Variants in NEAT1 observed in about 807,000 individuals in gnomAD.
The protein encoded by NEAT1 is MENepsilon/beta.
At chr11:65,428,686 G>T (rs907799314) in exon 1 of NEAT1, 9 of 152,150 alleles carry the variant, frequency 5.9e-5, no homozygotes, top group Non-Finnish European at 8.8e-5. Flanking sequence ...TTCCAAGGCA[G>T]GTGGCTGTGA....
chr11:65,443,756 G>C (rs151105075), exon 1 of NEAT1: 4 of 152,216 alleles, frequency 2.6e-5, no homozygotes, highest in African/African-American at 9.7e-5. Flanking sequence ...ACTGCCCTGC[G>C]CCCCAGATGG....
chr11:65,433,057 A>G (rs1444395868), exon 1 of NEAT1: 5 of 150,590 alleles, frequency 3.3e-5, no homozygotes. Flanking sequence ...TTTATTGCTA[A>G]GTCATATTCC....
chr11:65,425,622 C>A (rs893669969), exon 1 of NEAT1: 4 of 152,116 alleles, frequency 2.6e-5, no homozygotes, highest in Non-Finnish European at 5.9e-5. Context: ...CCACTTAAGA[C>A]GAGATTAGAT....
chr11:65,425,084 G>T (rs1856547455), exon 1 of NEAT1: 1 of 152,120 alleles, frequency 6.6e-6, no homozygotes, highest in African/African-American at 2.4e-5. Context: ...TAGTGCGTGG[G>T]TGAGCCAAGA....
chr11:65,434,988 A>AT (rs1278319828), exon 1 of NEAT1: 3 of 152,144 alleles, frequency 2.0e-5, no homozygotes, highest in Non-Finnish European at 1.5e-5. Context: ...ATCATGTATA[A>AT]TTTTGTCAAG....
exon 1 of NEAT1, chr11:65,426,325 G>A (rs765059796): frequency 6.6e-6 from 1 of 152,282 alleles, no homozygotes; most frequent in African/African-American, 2.4e-5. Flanking sequence ...CTGTCGTTGG[G>A]ATTTAGAGTG....
exon 1 of NEAT1, chr11:65,444,571 G>A (rs1355156879): frequency 4.2e-6 from 2 of 475,418 alleles, no homozygotes; most frequent in African/African-American, 4.0e-5. Context: ...GAGGACAGCA[G>A]AGCTCGTGGG....
At chr11:65,423,352 C>G (rs555486675) in exon 1 of NEAT1, 5 of 152,394 alleles carry the variant, frequency 3.3e-5, no homozygotes, top group African/African-American at 9.6e-5. Flanking sequence ...CTGAACTTAG[C>G]TCGACGGGGC....
At chr11:65,426,319 C>T (rs1455477801) in exon 1 of NEAT1, 1 of 152,000 alleles carries the variant, frequency 6.6e-6, no homozygotes, top group Non-Finnish European at 1.5e-5. Context: ...CAATTACTGT[C>T]GTTGGGATTT....
exon 1 of NEAT1, chr11:65,444,386 A>AG (rs1856745992): frequency 2.2e-6 from 1 of 459,002 alleles, no homozygotes; most frequent in Non-Finnish European, 4.5e-6. Flanking sequence ...GATGAGTAGA[A>AG]GGCACCCAGC....
exon 1 of NEAT1, chr11:65,430,835 C>A (rs1447230911): frequency 6.6e-6 from 1 of 152,268 alleles, no homozygotes; most frequent in African/African-American, 2.4e-5. Flanking sequence ...CCTACATAGC[C>A]ACTAACATCA....
exon 1 of NEAT1, chr11:65,424,558 G>T (rs1856541150): frequency 6.6e-6 from 1 of 152,196 alleles, no homozygotes; most frequent in East Asian, 1.9e-4. Context: ...AACTTGGGGC[G>T]TTGAAGAGCT....
At chr11:65,434,385 A>G (rs905066799) in exon 1 of NEAT1, 8 of 151,994 alleles carry the variant, frequency 5.3e-5, no homozygotes, top group African/African-American at 1.5e-4. Flanking sequence ...TTCCATTTGT[A>G]TCTGAAAAAC....
chr11:65,434,643 G>T (rs189759888), exon 1 of NEAT1: 2 of 152,182 alleles, frequency 1.3e-5, no homozygotes, highest in Non-Finnish European at 2.9e-5. Context: ...ACAACCCCTT[G>T]TGCACAATGC....
chr11:65,433,021 A>C (rs551858465), exon 1 of NEAT1: 1 of 152,012 alleles, frequency 6.6e-6, no homozygotes, highest in African/African-American at 2.4e-5. Context: ...AAAAAAAAAA[A>C]AACCACAAAC....
At chr11:65,443,322 G>C (rs1429587811) in exon 1 of NEAT1, 1 of 152,248 alleles carries the variant, frequency 6.6e-6, no homozygotes, top group Admixed American at 6.5e-5. Context: ...GTCTGGTGTT[G>C]ACAGTGCAGA....
chr11:65,442,453 A>C (rs1281884727), exon 1 of NEAT1: 1 of 152,222 alleles, frequency 6.6e-6, no homozygotes, highest in Non-Finnish European at 1.5e-5. Flanking sequence ...CCAGGCTATG[A>C]AGGAAATGGC....
chr11:65,442,520 T>TG (rs1378446725), exon 1 of NEAT1: 1 of 152,366 alleles, frequency 6.6e-6, no homozygotes, highest in Non-Finnish European at 1.5e-5. Flanking sequence ...CTTCCAGGCC[T>TG]GGGGGCCACC....
exon 1 of NEAT1, chr11:65,440,842 CA>C (rs746947504): frequency 0.046 from 1,632 of 35,548 alleles, 14 homozygotes; most frequent in African/African-American, 0.13. Context: ...GATTCCGTCT[CA>C]AAAAAAAAAA....
Sources: allele counts gnomAD v4.1 joint callset, GRCh38; gene constraint gnomAD v4.1.1; transcripts MANE v1.5; gene names NCBI Gene and HGNC (gene_info 2026-07-23, HGNC 2026-07-21).